PUM1: variants seen among roughly 807,000 people sequenced by gnomAD.
PUM1 encodes the protein pumilio homolog 1.
PUM1 carries 13 observed loss-of-function variants against 131.8 expected under a neutral mutation model. That is an observed-to-expected ratio of 0.10 (90% CI 0.06 to 0.16). PUM1 has a LOEUF of 0.16. Among genes scored for constraint, PUM1 ranks in the 10% least tolerant of loss-of-function variants. PUM1 has a pLI of 1.00. For missense variants in PUM1, 961 were observed against 1,512.4 expected, an observed-to-expected ratio of 0.64 and a Z score of 6.05; for synonymous variants, 509 against 556.5, an observed-to-expected ratio of 0.91 and a Z score of 1.20.
chr1:30,964,649 G>GTGGT, intron 14 of PUM1, 25 bp downstream of exon 14: 1 of 1,560,396 alleles, frequency 6.4e-7, no homozygotes, highest in Non-Finnish European at 8.8e-7. Context: ...AGAGTTCAAG[G>GTGGT]TGGTGTTAGA....
intron 2 of PUM1, chr1:31,050,883 G>T: frequency 4.0e-6 from 1 of 251,658 alleles, no homozygotes; most frequent in African/African-American, 2.2e-5. Flanking sequence ...TGGGTCACCA[G>T]CAGCTCTACT....
chr1:30,963,109 T>C (rs1467240882), intron 14 of PUM1, among the ~76,000 whole-genome samples: 1 of 152,190 alleles, frequency 6.6e-6, no homozygotes, highest in African/African-American at 2.4e-5. Context: ...AGGCAAGATA[T>C]TTAAGTCCTG....
chr1:31,046,677 G>C (rs1643976047), intron 2 of PUM1, among the ~76,000 whole-genome samples: 1 of 151,344 alleles, frequency 6.6e-6, no homozygotes, highest in Non-Finnish European at 1.5e-5. Flanking sequence ...ACAGCATGTT[G>C]GTCAGTCTGG....
chr1:31,063,595 G>C (rs1349401850), intron 1 of PUM1, among the ~76,000 whole-genome samples: 1 of 151,930 alleles, frequency 6.6e-6, no homozygotes, highest in Non-Finnish European at 1.5e-5. Context: ...AATTACACTT[G>C]TACCTCACAA....
intron 14 of PUM1, among the ~76,000 whole-genome samples, chr1:30,958,920 T>G (rs1467366919): frequency 6.6e-6 from 1 of 152,210 alleles, no homozygotes; most frequent in Non-Finnish European, 1.5e-5. Flanking sequence ...ATGTACACAT[T>G]CATGGGTATA....
chr1:31,028,165 T>C (rs1360394963), intron 3 of PUM1, among the ~76,000 whole-genome samples: 1 of 152,240 alleles, frequency 6.6e-6, no homozygotes, highest in East Asian at 1.9e-4. Context: ...TCTCTATTGA[T>C]GTAATGGATA....
chr1:31,065,288 G>A (rs1644458853), intron 1 of PUM1, among the ~76,000 whole-genome samples: 1 of 152,108 alleles, frequency 6.6e-6, no homozygotes, highest in Non-Finnish European at 1.5e-5. Flanking sequence ...AACCCGAATG[G>A]CAACATCAAT....
intron 14 of PUM1, among the ~76,000 whole-genome samples, chr1:30,958,229 T>C (rs61778253): frequency 0.072 from 11,003 of 152,302 alleles, 659 homozygotes; most frequent in East Asian, 0.28. Context: ...GAATACATTT[T>C]GAGAAGATAA....
intron 14 of PUM1, among the ~76,000 whole-genome samples, chr1:30,963,387 CTT>C (rs781004503): frequency 1.1e-4 from 17 of 152,158 alleles, no homozygotes; most frequent in Non-Finnish European, 2.1e-4. Flanking sequence ...GTCACAGTAA[CTT>C]TTATAAAGTG....
chr1:31,019,651 C>T (rs112214985), intron 3 of PUM1, among the ~76,000 whole-genome samples: 56 of 152,258 alleles, frequency 3.7e-4, no homozygotes, highest in African/African-American at 1.3e-3. Flanking sequence ...ATACACGTGC[C>T]CTTCTGAATC....
chr1:31,021,222 CT>C (rs1415898174), intron 3 of PUM1, among the ~76,000 whole-genome samples: 1 of 152,144 alleles, frequency 6.6e-6, no homozygotes, highest in Non-Finnish European at 1.5e-5. Flanking sequence ...TAATGAATAG[CT>C]TTTAAATGTA....
intron 2 of PUM1, among the ~76,000 whole-genome samples, chr1:31,054,746 T>C (rs1379735394): frequency 2.0e-5 from 3 of 152,202 alleles, no homozygotes; most frequent in African/African-American, 7.2e-5. Context: ...CCTGCAATTA[T>C]AGGAGAATGG....
intron 14 of PUM1, among the ~76,000 whole-genome samples, chr1:30,958,133 GGACA>G (rs1640247451): frequency 6.6e-6 from 1 of 152,066 alleles, no homozygotes; most frequent in Non-Finnish European, 1.5e-5. Context: ...GTTCAAGCAA[GGACA>G]GAGAAAGGTA....
intron 14 of PUM1, among the ~76,000 whole-genome samples, chr1:30,957,244 T>A (rs924562939): frequency 4.6e-5 from 7 of 152,200 alleles, no homozygotes; most frequent in African/African-American, 1.7e-4. Flanking sequence ...AAGCAGTACT[T>A]CTTTCAACAT....
chr1:30,991,167 G>GA (rs1331086580), intron 7 of PUM1, among the ~76,000 whole-genome samples: 1 of 152,024 alleles, frequency 6.6e-6, no homozygotes, highest in Non-Finnish European at 1.5e-5. Flanking sequence ...ATTACACTGG[G>GA]AATGGAAGCT....
At chr1:31,017,767 A>G (rs10753241) in intron 3 of PUM1, among the ~76,000 whole-genome samples, 41,821 of 151,960 alleles carry the variant, frequency 0.28, 7,299 homozygotes, top group East Asian at 0.53. Flanking sequence ...AGAGGGTGAA[A>G]AATCACTAAT....
chr1:31,060,140 G>A (rs534647058), intron 1 of PUM1, among the ~76,000 whole-genome samples: 156 of 146,246 alleles, frequency 1.1e-3, no homozygotes, highest in African/African-American at 3.7e-3. Context: ...GAGCCACCGC[G>A]CCCAGCCCCA....
At chr1:30,954,788 C>A (rs746587518) in intron 14 of PUM1, among the ~76,000 whole-genome samples, 2 of 151,994 alleles carry the variant, frequency 1.3e-5, no homozygotes, top group Non-Finnish European at 2.9e-5. Context: ...GCAGGCCAGG[C>A]GTGGTGGCTG....
chr1:31,057,583 G>C (rs1442485591), intron 2 of PUM1, among the ~76,000 whole-genome samples: 1 of 151,568 alleles, frequency 6.6e-6, no homozygotes, highest in Non-Finnish European at 1.5e-5. Flanking sequence ...AAATTAGCCA[G>C]GTATGGAGGT....
Sources: gnomAD v4.1 joint callset for allele counts (sites outside exome capture counted in the v4.1 genomes callset) on GRCh38, gnomAD v4.1.1 for gene constraint, MANE v1.5 for transcripts, NCBI Gene and HGNC (gene_info 2026-07-23, HGNC 2026-07-21) for gene names.